ZFHX3: variants seen among roughly 807,000 people sequenced by gnomAD.
The protein encoded by ZFHX3 is zinc finger homeobox protein 3.
In ZFHX3, 42 loss-of-function variants were observed where a neutral mutation model predicts 279.1. That is an observed-to-expected ratio of 0.15 (90% CI 0.12 to 0.19). ZFHX3 has a LOEUF of 0.19. Among genes scored for constraint, ZFHX3 ranks in the 10% least tolerant of loss-of-function variants. ZFHX3 has a pLI of 1.00. For synonymous variants in ZFHX3, 2,293 were observed against 1,957.8 expected (o/e 1.17, Z -4.52); for missense variants, 4,981 against 4,754.0 (o/e 1.05, Z -1.40).
chr16:73,757,310 G>A (rs2053820223), intron 1 of ZFHX3, among the ~76,000 whole-genome samples: 1 of 152,148 alleles, frequency 6.6e-6, no homozygotes, highest in Non-Finnish European at 1.5e-5. Flanking sequence ...AGACTGGATA[G>A]CAACCCTAAC....
At chr16:73,550,046 G>A (rs947890555) in intron 2 of ZFHX3, among the ~76,000 whole-genome samples, 6 of 152,002 alleles carry the variant, frequency 3.9e-5, no homozygotes, top group African/African-American at 1.5e-4. Flanking sequence ...TGGGAGGTGC[G>A]AAGGGTGGAG....
chr16:73,019,173 T>C (rs1336564647), intron 1 of ZFHX3, among the ~76,000 whole-genome samples: 1 of 152,150 alleles, frequency 6.6e-6, no homozygotes, highest in Non-Finnish European at 1.5e-5. Flanking sequence ...AAGGACCGAG[T>C]GGCCAGTTCG....
chr16:73,689,819 TTTTTTTG>T (rs1169013044), intron 1 of ZFHX3, among the ~76,000 whole-genome samples: 4 of 144,644 alleles, frequency 2.8e-5, no homozygotes, highest in Non-Finnish European at 6.1e-5. Flanking sequence ...TGTTTTTTGT[TTTTTTTG>T]TTGTTGTTGT....
intron 5 of ZFHX3, among the ~76,000 whole-genome samples, chr16:73,152,742 GA>G (rs1966972850): frequency 1.2e-5 from 1 of 84,592 alleles, no homozygotes; most frequent in Non-Finnish European, 2.2e-5. Flanking sequence ...GAGAGAGAGA[GA>G]AAAAAAATGA....
chr16:73,876,744 G>A (rs1041510223), intron 1 of ZFHX3, among the ~76,000 whole-genome samples: 1 of 152,118 alleles, frequency 6.6e-6, no homozygotes, highest in African/African-American at 2.4e-5. Flanking sequence ...AGAAAAGACT[G>A]CATTTCTCTT....
chr16:73,514,493 A>G (rs2019486951), intron 2 of ZFHX3, among the ~76,000 whole-genome samples: 1 of 152,166 alleles, frequency 6.6e-6, no homozygotes, highest in Non-Finnish European at 1.5e-5. Context: ...ATTACTTTAT[A>G]TATAAGGAAG....
At chr16:73,818,856 A>G (rs1462059394) in intron 1 of ZFHX3, among the ~76,000 whole-genome samples, 1 of 152,228 alleles carries the variant, frequency 6.6e-6, no homozygotes, top group East Asian at 1.9e-4. Flanking sequence ...AGGGAGCCCT[A>G]CAGTTTCATT....
intron 5 of ZFHX3, among the ~76,000 whole-genome samples, chr16:73,193,769 C>A (rs1376855877): frequency 6.6e-6 from 1 of 152,156 alleles, no homozygotes; most frequent in Non-Finnish European, 1.5e-5. Flanking sequence ...CTCCTATGTC[C>A]TTGGGAAGCC....
At chr16:73,546,080 A>T (rs1047431295) in intron 2 of ZFHX3, among the ~76,000 whole-genome samples, 1 of 152,240 alleles carries the variant, frequency 6.6e-6, no homozygotes, top group Non-Finnish European at 1.5e-5. Flanking sequence ...ATGTGAAGCC[A>T]GATTAAAATC....
In ZFHX3 at chr16:73,292,047, G is replaced by C. The variant is rs188212828; in HGVS notation, c.-1194+26193C>G. ...TAAGTATTGATATTAGTGAGGTTCT[G>C]AGATGCCATGTAAGACCATGTTCAA... On this transcript the variant is annotated intron_variant, in intron 4 of 17. Transcript: ENST00000641206. Among the ~76,000 whole-genome samples, 575 of 152,314 alleles carry C rather than the reference G, an allele frequency of 3.8e-3. 1 individual carries two copies. The highest frequency in any genetic ancestry group is 0.014 in the Middle Eastern group (4 of 294).
At chr16:73,509,647 C>T (rs2019390586) in intron 2 of ZFHX3, among the ~76,000 whole-genome samples, 2 of 149,276 alleles carry the variant, frequency 1.3e-5, no homozygotes, top group Non-Finnish European at 2.9e-5. Context: ...GCCTCAGCCT[C>T]CTGAGTAGCT....
rs186898480 is a variant in ZFHX3, at chr16:73,340,485, T to C, written c.-1290-22149A>G. 5.2e-3 allele frequency among the ~76,000 whole-genome samples: 793 copies of C among 152,286 alleles called. 4 individuals carry two copies. Among genetic ancestry groups the C allele is most frequent in the Admixed American group, 5.7e-3 (87 of 15,300 alleles). On this transcript the variant is annotated intron_variant, in intron 3 of 17. Transcript: ENST00000641206. ...AATCCTCCCACCTCAGCCTCCTGAG[T>C]AGCTGGGATTATAGGTGCATGCCAT... is the stretch of plus-strand genomic sequence containing the variant.
chr16:73,784,781 C>CAAAAAAA (rs1359742885), intron 1 of ZFHX3, among the ~76,000 whole-genome samples: 13 of 90,424 alleles, frequency 1.4e-4, no homozygotes, highest in African/African-American at 1.1e-3. Flanking sequence ...CTATTTTTAA[C>CAAAAAAA]AAAATAAAAA....
chr16:73,329,373 C>T lies in ZFHX3; in HGVS notation c.-1290-11037G>A, dbSNP rs1038042146. On this transcript the variant is annotated intron_variant, in intron 3 of 17. Coordinates refer to the ZFHX3 transcript ENST00000641206. ...CTCTTGCTTGTGTCGACTATATTTT[C>T]GAGTTTCACTCAATGATGGAGTTGT... 1.2e-4 allele frequency among the ~76,000 whole-genome samples: 18 copies of T among 152,244 alleles called. 1 individual carries two copies. The highest frequency in any genetic ancestry group is 3.2e-3 in the Middle Eastern group (1 of 316).
intron 4 of ZFHX3, among the ~76,000 whole-genome samples, chr16:73,312,289 G>T (rs1464972876): frequency 6.6e-6 from 1 of 152,188 alleles, no homozygotes; most frequent in Non-Finnish European, 1.5e-5. Context: ...GTCATAAGGA[G>T]AGGGACATAT....
At chr16:73,762,519 C>T (rs1486702252) in intron 1 of ZFHX3, among the ~76,000 whole-genome samples, 20 of 152,164 alleles carry the variant, frequency 1.3e-4, no homozygotes, top group Admixed American at 1.3e-3. Flanking sequence ...TATAAAGATA[C>T]ATGCACAAGT....
chr16:73,456,702 AAT>A (rs1041231260), intron 2 of ZFHX3, among the ~76,000 whole-genome samples: 3 of 152,130 alleles, frequency 2.0e-5, no homozygotes, highest in Non-Finnish European at 2.9e-5. Context: ...CCTCCAAATT[AAT>A]AGAGTGCCGC....
In ZFHX3 at chr16:73,308,954, T is replaced by C. The variant is rs1464894154; in HGVS notation, c.-1194+9286A>G. On this transcript the variant is annotated intron_variant, in intron 4 of 17. Coordinates refer to the ZFHX3 transcript ENST00000641206. ...GAATTTGGAGAAGCAGAATTACCAA[T>C]GAGGAAGTTAGATCCCATGACAGGC... Among the ~76,000 whole-genome samples, 4 of 152,022 alleles carry C rather than the reference T, an allele frequency of 2.6e-5. No homozygotes were observed. In the East Asian group the frequency reaches 5.8e-4, roughly 22 times the overall value.
chr16:73,555,258 G>C (rs943429285), intron 2 of ZFHX3, among the ~76,000 whole-genome samples: 3 of 151,958 alleles, frequency 2.0e-5, no homozygotes, highest in Non-Finnish European at 4.4e-5. Context: ...GGGTTCAAGC[G>C]ATTCTCCTGC....
Sources: allele counts gnomAD v4.1 joint callset (sites outside exome capture counted in the v4.1 genomes callset), GRCh38; gene constraint gnomAD v4.1.1; transcripts MANE v1.5; gene names NCBI Gene and HGNC (gene_info 2026-07-23, HGNC 2026-07-21).